SMARCC1: variants seen among roughly 807,000 people sequenced by gnomAD.
SMARCC1 encodes the protein SWI/SNF related BAF chromatin remodeling complex subunit C1.
Under a neutral mutation model 147.4 loss-of-function variants are expected in SMARCC1, and 43 were observed. That is an observed-to-expected ratio of 0.29 (90% CI 0.23 to 0.38). The LOEUF (loss-of-function observed/expected upper bound fraction) is 0.38. Among genes scored for constraint, SMARCC1 ranks in the 10% least tolerant of loss-of-function variants. SMARCC1 has a pLI of 1.00. For synonymous variants in SMARCC1, 495 were observed against 484.4 expected (o/e 1.02, Z -0.29); for missense variants, 1,119 against 1,381.1 (o/e 0.81, Z 3.01).
intron 22 of SMARCC1, 29 bp from the exon 23 acceptor site, chr3:47,636,165 G>A: frequency 7.8e-7 from 1 of 1,274,924 alleles, no homozygotes; most frequent in Non-Finnish European, 1.1e-6. Flanking sequence ...AAGAGGACAG[G>A]CAGTGAACAA....
chr3:47,635,477 AGTTCT>A, intron 23 of SMARCC1, 133 bp from the exon 24 acceptor site: 1 of 781,024 alleles, frequency 1.3e-6, no homozygotes. Context: ...TCTTTTTAAG[AGTTCT>A]GTTGAGCCAT....
chr3:47,751,073 T>G (rs2034622994), intron 2 of SMARCC1, among the ~76,000 whole-genome samples: 1 of 151,840 alleles, frequency 6.6e-6, no homozygotes, highest in South Asian at 2.1e-4. Flanking sequence ...TATTTTTGTA[T>G]TTTTAGTAGA....
chr3:47,627,355 T>C (rs2032824387), intron 24 of SMARCC1, among the ~76,000 whole-genome samples: 1 of 152,056 alleles, frequency 6.6e-6, no homozygotes, highest in Admixed American at 6.6e-5. Flanking sequence ...AATAAACTTG[T>C]GGATATGGCT....
chr3:47,616,739 C>A (rs1228190641), intron 25 of SMARCC1, among the ~76,000 whole-genome samples: 1 of 152,014 alleles, frequency 6.6e-6, no homozygotes, highest in Admixed American at 6.6e-5. Context: ...AGCCACCATG[C>A]CTGGCCCTGA....
intron 14 of SMARCC1, among the ~76,000 whole-genome samples, chr3:47,685,299 C>G (rs2033705674): frequency 3.9e-5 from 6 of 152,128 alleles, no homozygotes; most frequent in Admixed American, 3.9e-4. Context: ...AAGATTTCAT[C>G]CCACTACTCA....
chr3:47,769,219 A>C (rs1259169104), intron 2 of SMARCC1, among the ~76,000 whole-genome samples: 4 of 148,562 alleles, frequency 2.7e-5, no homozygotes, highest in Non-Finnish European at 6.1e-5. Context: ...TCAAAAAAAA[A>C]AAAAAAAAAA....
chr3:47,767,249 T>A (rs2034851553), intron 2 of SMARCC1, among the ~76,000 whole-genome samples: 1 of 148,584 alleles, frequency 6.7e-6, no homozygotes, highest in Non-Finnish European at 1.5e-5. Flanking sequence ...TTTTCTCTTT[T>A]TTTTTTTGAG....
chr3:47,705,323 C>CAAAAAAAAAAAAA (rs754344034), intron 10 of SMARCC1, among the ~76,000 whole-genome samples: 1 of 103,754 alleles, frequency 9.6e-6, no homozygotes, highest in African/African-American at 3.8e-5. Context: ...GACTCCGTCT[C>CAAAAAAAAAAAAA]AAAAAAAAAA....
In SMARCC1 at chr3:47,633,803, CACACACACACACACAT is replaced by C. The variant is rs1050112570; in HGVS notation, c.2646+1371_2646+1386del. On this transcript the variant is annotated intron_variant, in intron 24 of 27. Transcript: ENST00000254480. The stretch of plus-strand genomic sequence containing the variant: ...ATACACACACACACACACACACACA[CACACACACACACACAT>C]ATATATAAAATGTGAGAGACTATGA... Among the ~76,000 whole-genome samples, 46 of 96,930 alleles carry C rather than the reference CACACACACACACACAT, an allele frequency of 4.7e-4. 3 individuals are homozygous for C. The highest frequency in any genetic ancestry group is 9.3e-4 in the African/African-American group (28 of 30,020). The allele number at this position is 96,930 out of a possible 152,430, so 63.6% of individuals were successfully genotyped here. A position where few individuals can be genotyped will look rare whatever the true frequency, so the allele number is the denominator to read the frequency against.
chr3:47,670,268 T>G (rs2033477917), intron 19 of SMARCC1: 2 of 178,772 alleles, frequency 1.1e-5, no homozygotes, highest in African/African-American at 4.7e-5. Context: ...AGTGGACACT[T>G]TTTAAAACAG....
intron 2 of SMARCC1, among the ~76,000 whole-genome samples, chr3:47,758,726 T>A (rs13319205): frequency 0.34 from 51,437 of 151,936 alleles, 9,655 homozygotes; most frequent in African/African-American, 0.51. Flanking sequence ...TTAATTAATT[T>A]ATTTATTTAT....
chr3:47,753,571 G>C (rs892621548), intron 2 of SMARCC1, among the ~76,000 whole-genome samples: 1 of 151,460 alleles, frequency 6.6e-6, no homozygotes, highest in Non-Finnish European at 1.5e-5. Context: ...AAAATCAGCC[G>C]GGCGTGGTGG....
At chr3:47,761,777 T>C (rs1337403940) in intron 2 of SMARCC1, among the ~76,000 whole-genome samples, 1 of 152,184 alleles carries the variant, frequency 6.6e-6, no homozygotes, top group Admixed American at 6.6e-5. Flanking sequence ...AGAGAGATCA[T>C]AACATTTGCC....
At chr3:47,762,419 T>A (rs1458198449) in intron 2 of SMARCC1, among the ~76,000 whole-genome samples, 3 of 152,174 alleles carry the variant, frequency 2.0e-5, no homozygotes, top group African/African-American at 7.2e-5. Context: ...ATTCCTGCCA[T>A]GAGGTCAGTC....
intron 2 of SMARCC1, among the ~76,000 whole-genome samples, chr3:47,765,372 TG>T (rs1293749401): frequency 6.6e-6 from 1 of 152,144 alleles, no homozygotes; most frequent in Non-Finnish European, 1.5e-5. Context: ...ATTTCTGACC[TG>T]GACTGTGGTT....
rs192800016 is a variant in SMARCC1 at position 47,650,213 on chromosome 3, T to C, written c.2320+11081A>G. 4.1e-3 allele frequency among the ~76,000 whole-genome samples: 615 copies of C among 151,110 alleles called. 5 individuals are homozygous for C. The highest frequency in any genetic ancestry group is 0.014 in the African/African-American group (587 of 41,292). On this transcript the variant is annotated intron_variant, in intron 21 of 27. Coordinates refer to ENST00000254480, the MANE Select transcript of SMARCC1 (RefSeq NM_003074.4). ...ACGGCGAGAACCCCAGAGGCGGAGC[T>C]TGCAGTGAGCGGAGATCGTGCAACT...
At chr3:47,677,382 T>A (rs1242698805) in intron 16 of SMARCC1, among the ~76,000 whole-genome samples, 2 of 148,316 alleles carry the variant, frequency 1.3e-5, no homozygotes, top group Non-Finnish European at 3.0e-5. Flanking sequence ...ATTACAGGTG[T>A]GAGCCACCAT....
chr3:47,609,927 T>G (rs2032538656), intron 26 of SMARCC1, 139 bp downstream of exon 26: 4 of 890,040 alleles, frequency 4.5e-6, no homozygotes, highest in African/African-American at 3.3e-5. Context: ...AAATCTCACA[T>G]GCCTACAATT....
intron 16 of SMARCC1, among the ~76,000 whole-genome samples, chr3:47,677,836 C>G (rs925750094): frequency 6.6e-6 from 1 of 152,030 alleles, no homozygotes; most frequent in African/African-American, 2.4e-5. Context: ...CTGCACCCAG[C>G]CTAAATTAAA....
Sources: gnomAD v4.1 joint callset for allele counts (sites outside exome capture counted in the v4.1 genomes callset) on GRCh38, gnomAD v4.1.1 for gene constraint, MANE v1.5 for transcripts, NCBI Gene and HGNC (gene_info 2026-07-23, HGNC 2026-07-21) for gene names.